Variants in PRKACB observed in about 807,000 individuals in gnomAD.
PRKACB encodes cAMP-dependent protein kinase catalytic subunit beta.
PRKACB carries 16 observed loss-of-function variants against 51.4 expected under a neutral mutation model. That is an observed-to-expected ratio of 0.31 (90% confidence interval 0.21 to 0.47). The LOEUF (loss-of-function observed/expected upper bound fraction) is 0.47. Ranked by LOEUF, PRKACB falls within the 20% of genes least tolerant of loss-of-function variation. PRKACB has a pLI of 1.00. For synonymous variants in PRKACB, 147 were observed against 154.4 expected (o/e 0.95, Z 0.35); for missense variants, 309 against 464.5 (o/e 0.67, Z 3.08).
intron 1 of PRKACB, 46 bp from the exon 2 acceptor site, chr1:84,179,131 T>C (rs767943921): frequency 1.3e-5 from 19 of 1,516,332 alleles, no homozygotes; most frequent in Non-Finnish European, 1.6e-5. Context: ...ATACAGAATA[T>C]AAATATTCTT....
At chr1:84,102,519 A>C (rs1649430369) in intron 1 of PRKACB, among the ~76,000 whole-genome samples, 1 of 152,232 alleles carries the variant, frequency 6.6e-6, no homozygotes, top group Non-Finnish European at 1.5e-5. Context: ...GTGAGGCCCA[A>C]GGTAGAGAAA....
At chr1:84,224,829 A>G (rs1348582178) in intron 9 of PRKACB, among the ~76,000 whole-genome samples, 2 of 152,192 alleles carry the variant, frequency 1.3e-5, no homozygotes, top group East Asian at 3.9e-4. Context: ...GCCTCCAGAC[A>G]GTGCACTCAA....
At chr1:84,171,378 A>G (rs1480063730) in intron 1 of PRKACB, among the ~76,000 whole-genome samples, 5 of 151,626 alleles carry the variant, frequency 3.3e-5, no homozygotes, top group Non-Finnish European at 7.4e-5. Context: ...ATTTTAAAGT[A>G]CTAAATAGAA....
intron 9 of PRKACB, among the ~76,000 whole-genome samples, chr1:84,225,673 G>GAA (rs1035800736): frequency 6.6e-6 from 1 of 152,122 alleles, no homozygotes; most frequent in Non-Finnish European, 1.5e-5. Context: ...GCTATTGTGT[G>GAA]AACTCCAGGC....
chr1:84,133,015 C>T (rs933496690), intron 1 of PRKACB, among the ~76,000 whole-genome samples: 2 of 151,916 alleles, frequency 1.3e-5, no homozygotes, highest in Admixed American at 6.6e-5. Flanking sequence ...AAATATAGAT[C>T]CAGGAACCTC....
At chr1:84,205,605 G>A (rs1344284439) in intron 8 of PRKACB, among the ~76,000 whole-genome samples, 2 of 151,836 alleles carry the variant, frequency 1.3e-5, no homozygotes, top group Admixed American at 6.6e-5. Context: ...CTGAAGTCAC[G>A]TTATAAAGAT....
At chr1:84,165,059 T>C in intron 1 of PRKACB, 1 of 1,384,676 alleles carries the variant, frequency 7.2e-7, no homozygotes. Context: ...TTAAAAAATA[T>C]ATTTATAAGA....
At chr1:84,152,457 A>T (rs1288412551) in intron 1 of PRKACB, among the ~76,000 whole-genome samples, 1 of 152,218 alleles carries the variant, frequency 6.6e-6, no homozygotes, top group Non-Finnish European at 1.5e-5. Context: ...TCTAGATGGC[A>T]TCTTCTTCCA....
chr1:84,130,483 A>T (rs1652076220), intron 1 of PRKACB, among the ~76,000 whole-genome samples: 1 of 152,208 alleles, frequency 6.6e-6, no homozygotes, highest in Non-Finnish European at 1.5e-5. Context: ...ACAACAGGAA[A>T]ACATTTGTTT....
chr1:84,198,989 ATGTATATG>A (rs1229428349), intron 7 of PRKACB, among the ~76,000 whole-genome samples: 2 of 148,164 alleles, frequency 1.3e-5, no homozygotes, highest in South Asian at 2.1e-4. Context: ...ATATGTATAT[ATGTATATG>A]TGTATATATA....
intron 1 of PRKACB, among the ~76,000 whole-genome samples, chr1:84,130,858 A>T (rs561476155): frequency 6.6e-6 from 1 of 152,232 alleles, no homozygotes; most frequent in Non-Finnish European, 1.5e-5. Context: ...AACAAAAATA[A>T]TAAATATCTG....
At chr1:84,122,585 A>C (rs969270863) in intron 1 of PRKACB, among the ~76,000 whole-genome samples, 1 of 152,202 alleles carries the variant, frequency 6.6e-6, no homozygotes, top group Non-Finnish European at 1.5e-5. Context: ...ATGAGATTTT[A>C]TAAAAGATTT....
chr1:84,159,793 A>G (rs1317345462), intron 1 of PRKACB, among the ~76,000 whole-genome samples: 1 of 152,016 alleles, frequency 6.6e-6, no homozygotes, highest in Admixed American at 6.6e-5. Context: ...AGGTTTTCTC[A>G]TGGCTGTTGG....
chr1:84,151,477 A>C lies in PRKACB; in HGVS notation c.187+6929A>C, dbSNP rs147221055. Among the ~76,000 whole-genome samples, 879 of 152,176 alleles carry C rather than the reference A, an allele frequency of 5.8e-3. 13 individuals carry two copies. The highest frequency in any genetic ancestry group is 0.018 in the African/African-American group (751 of 41,506). ...AAAGTGACACACTTGACTGACTCTT[A>C]TTTTCATAAAAGATTTCTCTGTAGC... On this transcript the variant is annotated intron_variant, in intron 1 of 9. Transcript: ENST00000370685.
chr1:84,201,500 GAGAGTT>G (rs1476122884), intron 7 of PRKACB, among the ~76,000 whole-genome samples: 1 of 151,884 alleles, frequency 6.6e-6, no homozygotes. Flanking sequence ...AAAAGTTAAA[GAGAGTT>G]AATGCCTATT....
upstream of PRKACB, among the ~76,000 whole-genome samples, chr1:84,141,043 TAAAAG>T (rs1653357288): frequency 6.6e-6 from 1 of 152,124 alleles, no homozygotes; most frequent in South Asian, 2.1e-4. Context: ...TATTATTAAA[TAAAAG>T]AAACCAATAT....
At chr1:84,203,793 G>T (rs1210488430) in intron 8 of PRKACB, among the ~76,000 whole-genome samples, 1 of 151,834 alleles carries the variant, frequency 6.6e-6, no homozygotes, top group South Asian at 2.1e-4. Context: ...TAGAGTTGAG[G>T]TTTTTTTGTT....
chr1:84,085,799 C>A, intron 1 of PRKACB: 1 of 403,726 alleles, frequency 2.5e-6, no homozygotes. Context: ...AGGAAGCCCT[C>A]TCAGGATCGG....
At chr1:84,193,298 A>G (rs1164819688) in intron 5 of PRKACB, among the ~76,000 whole-genome samples, 1 of 152,144 alleles carries the variant, frequency 6.6e-6, no homozygotes, top group African/African-American at 2.4e-5. Flanking sequence ...CAATGGGGGT[A>G]CTTCATGCTG....
Sources: allele counts gnomAD v4.1 joint callset (sites outside exome capture counted in the v4.1 genomes callset), GRCh38; gene constraint gnomAD v4.1.1; transcripts MANE v1.5; gene names NCBI Gene and HGNC (gene_info 2026-07-23, HGNC 2026-07-21).